DBF4B: variants seen among roughly 807,000 people sequenced by gnomAD.
The protein encoded by DBF4B is protein DBF4 homolog B.
In DBF4B, 49 loss-of-function variants were observed where a neutral mutation model predicts 53.4. That is an observed-to-expected ratio of 0.92 (90% confidence interval 0.73 to 1.16). The LOEUF is 1.16. Among genes scored for constraint, DBF4B ranks in the 50% most tolerant of loss-of-function variants. The pLI is 0.00. For missense variants in DBF4B, 692 were observed against 775.0 expected (o/e 0.89, Z 1.27); for synonymous variants, 257 against 288.7 (o/e 0.89, Z 1.11).
At chr17:44,738,546 C>A in intron 9 of DBF4B, 122 bp downstream of exon 9, 2 of 987,342 alleles carry the variant, frequency 2.0e-6, no homozygotes, top group East Asian at 2.5e-5. Flanking sequence ...CCTGCACCTT[C>A]ATCTTCCTGA....
chr17:44,737,016 C>A, intron 8 of DBF4B, 150 bp downstream of exon 8: 1 of 955,492 alleles, frequency 1.0e-6, no homozygotes, highest in Non-Finnish European at 1.6e-6. Flanking sequence ...AGGGCCTGGT[C>A]CTCAGGTTTC....
rs1555676225 is a variant in DBF4B at position 44,726,292 on chromosome 17, T to TTTTATGTA, written c.225+3275_225+3276insGTATTTAT. Among the ~76,000 whole-genome samples the TTTTATGTA allele has an allele frequency of 3.0e-5, 4 of 132,090 alleles. No homozygotes were observed. The South Asian group carries it at 1.0e-3, about 33-fold the overall frequency. The allele number at this position is 132,090 out of a possible 152,430, so 86.7% of individuals were successfully genotyped here. A position where few individuals can be genotyped will look rare whatever the true frequency, so the allele number is the denominator to read the frequency against. On this transcript the variant is annotated intron_variant, in intron 3 of 13. Transcript: ENST00000315005. ...GTGTGAGCCATCGCACCCGGCCCTT[T>TTTTATGTA]TTTATTTATTTATTTATTTATTTAT...
At chr17:44,734,212 A>G (rs769179993) in intron 7 of DBF4B, 49 bp downstream of exon 7, 3 of 1,612,098 alleles carry the variant, frequency 1.9e-6, no homozygotes, top group Non-Finnish European at 2.5e-6. Context: ...TTTCAATGAA[A>G]TCAGTGACAA....
chr17:44,730,171 T>G (rs182555284), intron 4 of DBF4B, 75 bp downstream of exon 4: 373 of 1,463,934 alleles, frequency 2.5e-4, no homozygotes, highest in Non-Finnish European at 3.2e-4. Context: ...TAAGGCAGTC[T>G]CTGGTTTTAA....
chr17:44,751,773 T>C lies in DBF4B; in HGVS notation c.*520T>C. ...CCTGAAGCATTCCACTAAGATCATC[T>C]ATTCCAAGGTCATGGACAGGCTACT... On this transcript the variant is annotated 3_prime_UTR_variant, in exon 14 of 14. Coordinates refer to ENST00000315005, the MANE Select transcript of DBF4B (RefSeq NM_145663.3). The C allele has an allele frequency of 6.7e-7, 1 of 1,489,410 alleles. No homozygotes were observed. The highest frequency in any genetic ancestry group is 8.9e-7 in the Non-Finnish European group (1 of 1,121,584). The allele number at this position is 1,489,410 out of a possible 1,614,324, so 92.3% of individuals were successfully genotyped here.
intron 12 of DBF4B, 56 bp from the exon 13 acceptor site, chr17:44,748,285 G>A (rs2049163358): frequency 1.3e-6 from 2 of 1,544,878 alleles, no homozygotes; most frequent in Admixed American, 3.9e-5. Flanking sequence ...CTCAGCCCTG[G>A]CCCAGGCCTG....
chr17:44,735,154 C>T (rs1366441557), intron 7 of DBF4B, among the ~76,000 whole-genome samples: 2 of 152,154 alleles, frequency 1.3e-5, no homozygotes, highest in Non-Finnish European at 2.9e-5. Context: ...CCTCTCCACA[C>T]CCTCTCCTCT....
At chr17:44,721,626 T>C (rs560711521) in intron 2 of DBF4B, among the ~76,000 whole-genome samples, 1 of 152,112 alleles carries the variant, frequency 6.6e-6, no homozygotes, top group Non-Finnish European at 1.5e-5. Flanking sequence ...TCCTATCTGG[T>C]TCATTATTAT....
At chr17:44,730,262 A>G (rs186462756) in intron 4 of DBF4B, among the ~76,000 whole-genome samples, 166 bp downstream of exon 4, 16 of 152,360 alleles carry the variant, frequency 1.1e-4, no homozygotes, top group Middle Eastern at 6.8e-3. Context: ...TAAACACCTC[A>G]GCAACATACT....
chr17:44,730,382 T>C (rs78906238), intron 4 of DBF4B, among the ~76,000 whole-genome samples: 219 of 152,266 alleles, frequency 1.4e-3, no homozygotes, highest in African/African-American at 4.9e-3. Flanking sequence ...CGTGTTGGGA[T>C]TGGTCTGCGC....
In DBF4B at chr17:44,751,718, C is replaced by T; in HGVS notation, c.*465C>T. 6.9e-7 allele frequency: 1 copy of T among 1,442,274 alleles called. No homozygotes were observed. The highest frequency in any genetic ancestry group is 9.1e-7 in the Non-Finnish European group (1 of 1,099,886). 89.3% of individuals were successfully genotyped at this position (1,442,274 alleles called of 1,614,324 possible). A position where few individuals can be genotyped will look rare whatever the true frequency, so the allele number is the denominator to read the frequency against. ...CTACCGCCTCCTCTTCACCTCCTTC[C>T]CTTCCACACTTCCTTCCTGGGTAGC... is the stretch of plus-strand genomic sequence containing the variant. On this transcript the variant is annotated 3_prime_UTR_variant, in exon 14 of 14. Transcript: ENST00000315005.
At position 44,732,095 on chromosome 17, in the gene DBF4B, C is replaced by T. The variant is rs1974888395; in HGVS notation, c.469-83C>T. 3.5e-6 allele frequency: 5 copies of T among 1,442,998 alleles called. No homozygotes were observed. In the South Asian group the frequency reaches 5.0e-5, roughly 14 times the overall value. The allele number at this position is 1,442,998 out of a possible 1,614,324, so 89.4% of individuals were successfully genotyped here. ...CCCTCCCATGGATGACTCAGGCCTC[C>T]CAGAAGCAATTTCTATCTGTCCCCT... On this transcript the variant is annotated intron_variant, in intron 5 of 13. Coordinates refer to ENST00000315005, the MANE Select transcript of DBF4B (RefSeq NM_145663.3).
rs945656933 is a variant in DBF4B at position 44,728,268 on chromosome 17, G to A, written c.226-1637G>A. On this transcript the variant is annotated intron_variant, in intron 3 of 13. Coordinates refer to ENST00000315005, the MANE Select transcript of DBF4B (RefSeq NM_145663.3). ...CCAGAAAGTGAGGCAGGAAGCTAAG[G>A]CCTCTGAGGCCTAGGCTCCAGAACT... Among the ~76,000 whole-genome samples, 13 of 152,190 alleles carry A rather than the reference G, an allele frequency of 8.5e-5. 1 individual carries two copies. In the East Asian group the frequency reaches 2.5e-3, roughly 29 times the overall value.
intron 3 of DBF4B, among the ~76,000 whole-genome samples, chr17:44,726,749 A>G (rs1394351264): frequency 6.6e-6 from 1 of 152,182 alleles, no homozygotes. Flanking sequence ...GCATTTAGAA[A>G]TAACACAGGT....
chr17:44,709,124 G>C (rs1972630017), intron 1 of DBF4B, among the ~76,000 whole-genome samples, 180 bp from the exon 2 acceptor site: 2 of 152,190 alleles, frequency 1.3e-5, no homozygotes, highest in Admixed American at 1.3e-4. Context: ...AAAGGAGGCG[G>C]AGGGCATGAG....
rs757750200 is a variant in DBF4B, at chr17:44,748,357, G to T, written c.1081G>T (p.Ala361Ser). Residue 361 changes from alanine to serine, a missense_variant, in exon 13 of 14, where the codon GCT (alanine) becomes TCT (serine). Physicochemically the swap from Ala to Ser is moderately conservative, Grantham distance 99 (BLOSUM62 1). Transcript: ENST00000315005. The stretch of plus-strand genomic sequence containing the variant: ...TCCCAACAGGTGGTCAGGTTCCCCA[G>T]CTTCTGATTGTGACCCTCTCTGTCC... Reference protein sequence around the residue: ...AGLPRWSGSPASDCDPLCPET... With the variant: ...AGLPRWSGSPSSDCDPLCPET... 6.2e-7 allele frequency: 1 copy of T among 1,603,376 alleles called. No individual in the cohort carries two copies.
intron 3 of DBF4B, among the ~76,000 whole-genome samples, chr17:44,725,684 C>CTTCTTTTTTTTTTTTTTTTT (rs777349094): frequency 4.6e-5 from 4 of 87,660 alleles, no homozygotes; most frequent in African/African-American, 1.9e-4. Context: ...TTTTGTGCTT[C>CTTCTTTTTTTTTTTTTTTTT]TTTTTTTTTT....
In DBF4B at chr17:44,749,312, G is replaced by A. The variant is rs1362172882; in HGVS notation, c.1189+847G>A. Reference sequence around the variant, plus strand: ...CATGCTGGCAGAGAGCTGCTCCTACGAGTCCCCAAGGTGCTTGGCTCTTCA... The same window carrying A: ...CATGCTGGCAGAGAGCTGCTCCTACAAGTCCCCAAGGTGCTTGGCTCTTCA... On this transcript the variant is annotated intron_variant, in intron 13 of 13. Transcript: ENST00000315005. This position sits in a 1 kb window ranked among gnomAD's most constrained non-coding sequence, Gnocchi z 4.4. 4 of 1,289,984 alleles carry A rather than the reference G, an allele frequency of 3.1e-6. No individual in the cohort carries two copies. Among genetic ancestry groups the A allele is most frequent in the Non-Finnish European group, 4.0e-6 (4 of 988,834 alleles). The allele number at this position is 1,289,984 out of a possible 1,614,324, so 79.9% of individuals were successfully genotyped here. A position where few individuals can be genotyped will look rare whatever the true frequency, so the allele number is the denominator to read the frequency against.
At position 44,750,856 on chromosome 17, in the gene DBF4B, C is replaced by A; in HGVS notation, c.1451C>A (p.Ala484Asp). ...PLHPSQENSF[A>D]PADIPVKGPL... is the part of the protein sequence containing the mutation. The stretch of plus-strand genomic sequence containing the variant: ...CATCCCTCCCAAGAAAACTCCTTTG[C>A]CCCGGCGGACATTCCTGTTAAGGGC... Residue 484 changes from alanine to aspartate, a missense_variant, in exon 14 of 14, where the codon GCC (alanine) becomes GAC (aspartate). Ala to Asp is a moderately radical substitution (Grantham distance 126). Around this residue, in one of 3 missense-constraint regions of DBF4B, gnomAD observed 597 missense variants for 665.8 expected, o/e 0.90. Transcript: ENST00000315005. 1 of 1,614,140 alleles carries A rather than the reference C, an allele frequency of 6.2e-7. No homozygotes were observed. The highest frequency in any genetic ancestry group is 8.5e-7 in the Non-Finnish European group (1 of 1,180,022).
Sources: gnomAD v4.1 joint callset for allele counts (sites outside exome capture counted in the v4.1 genomes callset) on GRCh38, gnomAD v4.1.1 for gene constraint, gnomAD v4.1.1 regional missense constraint, Gnocchi (gnomAD v3.1) non-coding constraint, MANE v1.5 for transcripts, NCBI Gene and HGNC (gene_info 2026-07-23, HGNC 2026-07-21) for gene names.